Variants in MGAT4C observed in about 807,000 individuals in gnomAD.
MGAT4C encodes the protein alpha-1,3-mannosyl-glycoprotein 4-beta-N-acetylglucosaminyltransferase C.
A neutral mutation model predicts 40.1 loss-of-function variants in MGAT4C; 19 were observed. That is an observed-to-expected ratio of 0.47 (90% confidence interval 0.33 to 0.70). MGAT4C has a LOEUF of 0.70. Ranked by LOEUF, MGAT4C falls within the 30% of genes least tolerant of loss-of-function variation. The probability of loss-of-function intolerance (pLI) is 0.02; values close to 1 mark genes in which losing one functional copy is unlikely to be tolerated. For synonymous variants in MGAT4C, 181 were observed against 187.1 expected, an observed-to-expected ratio of 0.97 and a Z score of 0.27; for missense variants, 491 against 563.2, an observed-to-expected ratio of 0.87 and a Z score of 1.30.
At chr12:86,503,976 A>G (rs912118047) in intron 2 of MGAT4C, among the ~76,000 whole-genome samples, 29 of 151,406 alleles carry the variant, frequency 1.9e-4, no homozygotes, top group African/African-American at 6.8e-4. Context: ...AAAAATAAAG[A>G]CAATTGATGA....
chr12:85,983,689 G>A lies in MGAT4C; in HGVS notation c.148-19C>T. ...CTCCTTCCTAAATACCAAGAAAGAAGCAAGGAAAATATATAAATAATAGAT... is the reference window on the plus strand; with the variant it reads ...CTCCTTCCTAAATACCAAGAAAGAAACAAGGAAAATATATAAATAATAGAT... On this transcript the variant is annotated intron_variant, in intron 3 of 4. Coordinates refer to ENST00000611864, the MANE Select transcript of MGAT4C (RefSeq NM_001351288.2). 6.6e-7 allele frequency: 1 copy of A among 1,524,796 alleles called. No homozygotes were observed. The highest frequency in any genetic ancestry group is 8.8e-7 in the Non-Finnish European group (1 of 1,134,796). 94.5% of individuals were successfully genotyped at this position (1,524,796 alleles called of 1,614,324 possible).
At chr12:86,797,231 T>A (rs1477191824) in intron 1 of MGAT4C, among the ~76,000 whole-genome samples, 1 of 151,878 alleles carries the variant, frequency 6.6e-6, no homozygotes, top group Admixed American at 6.6e-5. Context: ...CCAGAAGTCA[T>A]AAGCAATTTC....
At position 86,562,142 on chromosome 12, in the gene MGAT4C, C is replaced by A. The variant is rs190705699; in HGVS notation, c.-228-126877G>T. 3.9e-5 allele frequency among the ~76,000 whole-genome samples: 6 copies of A among 152,234 alleles called. No homozygotes were observed. In the East Asian group the frequency reaches 1.2e-3, roughly 30 times the overall value. ...CAAAGTGATGAAAGAAAATGAAATT[C>A]TCAGGGTTTCTAACTCTCAGCTTCA... On this transcript the variant is annotated intron_variant, in intron 2 of 7. Coordinates refer to the MGAT4C transcript ENST00000548651.
At chr12:86,477,919 T>C (rs1273921794) in intron 2 of MGAT4C, among the ~76,000 whole-genome samples, 2 of 152,128 alleles carry the variant, frequency 1.3e-5, no homozygotes, top group African/African-American at 4.8e-5. Flanking sequence ...TTAAAGCAGA[T>C]TAATGTATAA....
At chr12:86,564,293 CT>C (rs774461834) in intron 2 of MGAT4C, among the ~76,000 whole-genome samples, 126 of 147,622 alleles carry the variant, frequency 8.5e-4, no homozygotes, top group East Asian at 6.4e-3. Context: ...TGGCAAATCC[CT>C]TTTTTTTTTT....
chr12:86,545,066 T>C (rs1959186309), intron 2 of MGAT4C, among the ~76,000 whole-genome samples: 1 of 152,016 alleles, frequency 6.6e-6, no homozygotes, highest in Admixed American at 6.6e-5. Context: ...TTCATAAATA[T>C]TTCTCGCTAT....
intron 2 of MGAT4C, among the ~76,000 whole-genome samples, chr12:86,714,225 T>A (rs1039846275): frequency 6.6e-6 from 1 of 152,122 alleles, no homozygotes; most frequent in African/African-American, 2.4e-5. Flanking sequence ...GCATTTCACT[T>A]TTTTGTTGGC....
intron 2 of MGAT4C, among the ~76,000 whole-genome samples, chr12:86,572,827 A>T (rs1444018801): frequency 6.6e-6 from 1 of 150,568 alleles, no homozygotes; most frequent in African/African-American, 2.4e-5. Context: ...TTATCAAATC[A>T]TCTCTCTCTC....
intron 4 of MGAT4C, among the ~76,000 whole-genome samples, chr12:86,263,833 A>T (rs1300323362): frequency 6.6e-6 from 1 of 152,114 alleles, no homozygotes; most frequent in African/African-American, 2.4e-5. Context: ...TCTCACTAAA[A>T]TCTGGTATTT....
At chr12:86,311,586 C>T (rs1480956085) in intron 4 of MGAT4C, among the ~76,000 whole-genome samples, 1 of 152,086 alleles carries the variant, frequency 6.6e-6, no homozygotes, top group Non-Finnish European at 1.5e-5. Flanking sequence ...ACAGAGCTGG[C>T]TTCATGGGTA....
intron 3 of MGAT4C, among the ~76,000 whole-genome samples, chr12:86,391,795 GC>G (rs1288993485): frequency 1.3e-5 from 2 of 152,102 alleles, no homozygotes; most frequent in Non-Finnish European, 2.9e-5. Context: ...GGGAGGCGGA[GC>G]TTGCAGTGAG....
At chr12:86,051,108 A>G (rs1592784821) in intron 1 of MGAT4C, among the ~76,000 whole-genome samples, 1 of 152,030 alleles carries the variant, frequency 6.6e-6, no homozygotes, top group South Asian at 2.1e-4. Flanking sequence ...TATACATTTG[A>G]AACATCGATG....
rs911298841 is a variant in MGAT4C at position 86,673,455 on chromosome 12, A to C, written c.-229+53754T>G. Among the ~76,000 whole-genome samples, 9 of 152,164 alleles carry C rather than the reference A, an allele frequency of 5.9e-5. No individual in the cohort carries two copies. The East Asian group carries it at 1.7e-3, about 29-fold the overall frequency. The stretch of plus-strand genomic sequence containing the variant: ...GCATAACACACATGCGCAAGCGCAC[A>C]CACACACATGCACACACACATACAA... On this transcript the variant is annotated intron_variant, in intron 2 of 7. Coordinates refer to the MGAT4C transcript ENST00000548651.
At position 86,253,074 on chromosome 12, in the gene MGAT4C, T is replaced by C. The variant is rs796838208; in HGVS notation, c.-57+3165A>G. Among the ~76,000 whole-genome samples, 18 of 152,012 alleles carry C rather than the reference T, an allele frequency of 1.2e-4. 1 individual carries two copies. Among genetic ancestry groups the C allele is most frequent in the African/African-American group, 3.9e-4 (16 of 41,546 alleles). ...TAGAGACACACAGAAACACAAGAAATGCAAATGAATGTATCCTTTAACTTA... is the reference window on the plus strand; with the variant it reads ...TAGAGACACACAGAAACACAAGAAACGCAAATGAATGTATCCTTTAACTTA... On this transcript the variant is annotated intron_variant, in intron 1 of 4. Coordinates refer to ENST00000611864, the MANE Select transcript of MGAT4C (RefSeq NM_001351288.2).
chr12:86,633,650 A>T (rs763662491), intron 2 of MGAT4C, among the ~76,000 whole-genome samples: 1 of 152,172 alleles, frequency 6.6e-6, no homozygotes, highest in Admixed American at 6.6e-5. Flanking sequence ...AAAATGTGCC[A>T]GTTCAGTTGC....
At position 86,300,418 on chromosome 12, in the gene MGAT4C, ACATGGC is replaced by A. The variant is rs541731528; in HGVS notation, c.-57+33641_-57+33646del. Among the ~76,000 whole-genome samples, 180 of 152,302 alleles carry A rather than the reference ACATGGC, an allele frequency of 1.2e-3. 1 individual carries two copies. The highest frequency in any genetic ancestry group is 3.4e-3 in the Middle Eastern group (1 of 294). ...CACTTAAAGTAAAATAATAAATTGT[ACATGGC>A]CATTCAAATCAGTAATTCTGAAATT... On this transcript the variant is annotated intron_variant, in intron 4 of 7. Transcript: ENST00000548651.
At chr12:86,591,384 C>T (rs1321075030) in intron 2 of MGAT4C, among the ~76,000 whole-genome samples, 1 of 151,812 alleles carries the variant, frequency 6.6e-6, no homozygotes, top group African/African-American at 2.4e-5. Flanking sequence ...AAATTTATGG[C>T]AATTATGAAA....
At chr12:86,070,860 G>C (rs772827193) in intron 1 of MGAT4C, among the ~76,000 whole-genome samples, 11 of 151,932 alleles carry the variant, frequency 7.2e-5, no homozygotes, top group Non-Finnish European at 1.6e-4. Flanking sequence ...GACCAAGCAA[G>C]AAGCAAAATC....
chr12:86,185,260 C>T (rs951368457), intron 1 of MGAT4C, among the ~76,000 whole-genome samples: 2 of 152,082 alleles, frequency 1.3e-5, no homozygotes, highest in African/African-American at 4.8e-5. Context: ...AGCTTTACTT[C>T]TTATATTTAC....
Sources: gnomAD v4.1 joint callset for allele counts (sites outside exome capture counted in the v4.1 genomes callset) on GRCh38, gnomAD v4.1.1 for gene constraint, MANE v1.5 for transcripts, NCBI Gene and HGNC (gene_info 2026-07-23, HGNC 2026-07-21) for gene names.